Variants in CARS2 observed in about 807,000 individuals in gnomAD.
The protein encoded by CARS2 is probable cysteine--tRNA ligase, mitochondrial.
CARS2 carries 52 observed loss-of-function variants against 68.8 expected under a neutral mutation model. The ratio of observed to expected loss-of-function variants is 0.76; its 90% CI spans 0.61 to 0.95. The LOEUF is 0.95. Among genes scored for constraint, CARS2 ranks in the 40% least tolerant of loss-of-function variants. The probability of loss-of-function intolerance (pLI) is 0.00; values close to 1 mark genes in which losing one functional copy is unlikely to be tolerated. For missense variants in CARS2, 780 were observed against 754.2 expected (o/e 1.03, Z -0.40); for synonymous variants, 314 against 303.6 (o/e 1.03, Z -0.36).
chr13:110,712,816 C>T (rs2064047707), intron 1 of CARS2: 2 of 842,632 alleles, frequency 2.4e-6, no homozygotes, highest in Non-Finnish European at 3.9e-6. Context: ...TCCACCTCTT[C>T]TGGGGCTCGG....
intron 3 of CARS2, among the ~76,000 whole-genome samples, chr13:110,699,876 C>T (rs2063733043): frequency 6.6e-6 from 1 of 152,268 alleles, no homozygotes; most frequent in African/African-American, 2.4e-5. Context: ...CAATGTCCCA[C>T]CTGCCTGTAC....
intron 3 of CARS2, among the ~76,000 whole-genome samples, chr13:110,700,885 G>T (rs1003582607): frequency 6.6e-6 from 1 of 152,286 alleles, no homozygotes; most frequent in African/African-American, 2.4e-5. Flanking sequence ...AGGAGGTAAC[G>T]ACACGAGGCC....
At chr13:110,703,971 C>T (rs1434810940) in intron 2 of CARS2, among the ~76,000 whole-genome samples, 1 of 152,230 alleles carries the variant, frequency 6.6e-6, no homozygotes, top group African/African-American at 2.4e-5. Context: ...GGTTAATGCC[C>T]TCATAGAAGA....
chr13:110,668,215 C>T lies in CARS2; in HGVS notation c.786-742G>A, dbSNP rs957249856. Among the ~76,000 whole-genome samples, 1 of 152,218 alleles carries T rather than the reference C, an allele frequency of 6.6e-6. No homozygotes were observed. Among genetic ancestry groups the T allele is most frequent in the Admixed American group, 6.5e-5 (1 of 15,278 alleles). ...GTCTCGAGCCTGGGGAAACAGGCAT[C>T]ACAGAAACACACGCTGTAGTGTGAC... On this transcript the variant is annotated intron_variant, in intron 7 of 14. Transcript: ENST00000257347. The surrounding 1 kb of genome is among the most constrained non-coding windows in gnomAD (Gnocchi z 4.1).
intron 3 of CARS2, among the ~76,000 whole-genome samples, chr13:110,689,638 A>G (rs1414861891): frequency 6.6e-6 from 1 of 152,228 alleles, no homozygotes; most frequent in African/African-American, 2.4e-5. Flanking sequence ...TTAGACTGCT[A>G]GAAGAACCAC....
chr13:110,644,636 G>T, intron 12 of CARS2, 153 bp from the exon 13 acceptor site: 1 of 1,341,496 alleles, frequency 7.5e-7, no homozygotes, highest in Non-Finnish European at 9.9e-7. Flanking sequence ...CTCTGGCATC[G>T]GCTACCTCAC....
rs2063950403 is a variant in CARS2 at position 110,706,110 on chromosome 13, T to C, written c.-17A>G. 2.3e-6 allele frequency: 3 copies of C among 1,282,664 alleles called. No homozygotes were observed. Among genetic ancestry groups the C allele is most frequent in the Non-Finnish European group, 2.0e-6 (2 of 1,016,592 alleles). 79.5% of individuals were successfully genotyped at this position (1,282,664 alleles called of 1,614,324 possible). On this transcript the variant is annotated 5_prime_UTR_variant, in exon 1 of 15. Coordinates refer to ENST00000257347, the MANE Select transcript of CARS2 (RefSeq NM_024537.4). Reference sequence around the variant, plus strand: ...CCTCAACATGTCAGCGGCCAGCGCCTACGACTGGGCGGAGACGGGAGCCAC... The same window carrying C: ...CCTCAACATGTCAGCGGCCAGCGCCCACGACTGGGCGGAGACGGGAGCCAC...
chr13:110,688,040 A>T (rs774982553), intron 3 of CARS2, 22 bp from the exon 4 acceptor site: 1 of 1,559,972 alleles, frequency 6.4e-7, no homozygotes, highest in South Asian at 1.1e-5. Context: ...TTAGATGTGC[A>T]CGTTAATGAG....
chr13:110,672,434 T>A (rs2062827972), intron 7 of CARS2, among the ~76,000 whole-genome samples: 2 of 152,134 alleles, frequency 1.3e-5, no homozygotes, highest in South Asian at 4.1e-4. Flanking sequence ...CTCAACTACA[T>A]GGAAACTGAA....
chr13:110,660,730 A>G (rs2062480053), intron 9 of CARS2, among the ~76,000 whole-genome samples: 1 of 150,958 alleles, frequency 6.6e-6, no homozygotes, highest in Non-Finnish European at 1.5e-5. Context: ...TATTCCACGT[A>G]TACAGCACAG....
upstream of CARS2, among the ~76,000 whole-genome samples, chr13:110,708,973 G>C (rs2064004796): frequency 6.6e-6 from 1 of 151,824 alleles, no homozygotes; most frequent in South Asian, 2.1e-4. Flanking sequence ...AGGCTGGTCT[G>C]GGACTCTGGA....
At chr13:110,658,987 C>T (rs1434995803) in intron 9 of CARS2, among the ~76,000 whole-genome samples, 2 of 151,952 alleles carry the variant, frequency 1.3e-5, no homozygotes, top group Non-Finnish European at 2.9e-5. Flanking sequence ...GAAATTACTG[C>T]TAACTTTTTA....
chr13:110,693,109 C>CAA (rs776745304), intron 3 of CARS2, among the ~76,000 whole-genome samples: 486 of 59,168 alleles, frequency 8.2e-3, no homozygotes, highest in East Asian at 0.012. Context: ...GACTCTGTCT[C>CAA]AAAAAAAAAA....
chr13:110,678,808 A>G (rs2063048786), intron 6 of CARS2, among the ~76,000 whole-genome samples: 1 of 152,046 alleles, frequency 6.6e-6, no homozygotes, highest in Non-Finnish European at 1.5e-5. Context: ...TTCAAAAACA[A>G]CAGGGAAAAA....
At chr13:110,642,282 G>C in intron 14 of CARS2, 33 bp downstream of exon 14, 1 of 1,519,110 alleles carries the variant, frequency 6.6e-7, no homozygotes, top group South Asian at 1.2e-5. Context: ...CCGGCTCCTG[G>C]GGTGATGTCC....
intron 3 of CARS2, among the ~76,000 whole-genome samples, chr13:110,694,265 A>T (rs1044034431): frequency 6.7e-6 from 1 of 149,876 alleles, no homozygotes; most frequent in Non-Finnish European, 1.5e-5. Flanking sequence ...ACCTCAGGTG[A>T]TCCTCCCACC....
At chr13:110,648,921 G>C (rs1430852367) in intron 10 of CARS2, 1 of 152,208 alleles carries the variant, frequency 6.6e-6, no homozygotes, top group African/African-American at 2.4e-5. Context: ...AGTGCCCCTG[G>C]GAAGGGATCC....
chr13:110,697,674 C>A (rs1192487919), intron 3 of CARS2, among the ~76,000 whole-genome samples: 1 of 152,250 alleles, frequency 6.6e-6, no homozygotes, highest in Non-Finnish European at 1.5e-5. Context: ...AACTCCTGGG[C>A]TTAAGTGATC....
chr13:110,652,148 T>C (rs1280104147), intron 9 of CARS2, among the ~76,000 whole-genome samples: 1 of 152,252 alleles, frequency 6.6e-6, no homozygotes, highest in Non-Finnish European at 1.5e-5. Context: ...AGAATTGCGT[T>C]TCCGTCTCCC....
Sources: gnomAD v4.1 joint callset for allele counts (sites outside exome capture counted in the v4.1 genomes callset) on GRCh38, gnomAD v4.1.1 for gene constraint, Gnocchi (gnomAD v3.1) non-coding constraint, MANE v1.5 for transcripts, NCBI Gene and HGNC (gene_info 2026-07-23, HGNC 2026-07-21) for gene names.